The following OR2L13 variants were observed in gnomAD, a reference collection of about 807,000 sequenced individuals.
The protein encoded by OR2L13 is olfactory receptor family 2 subfamily L member 13, also known as olfactory receptor 2L13.
A neutral mutation model predicts 15.3 loss-of-function variants in OR2L13; 14 were observed. The observed-to-expected ratio is 0.91, with a 90% CI of 0.60 to 1.43. The LOEUF is 1.43. Among genes scored for constraint, OR2L13 ranks in the 40% most tolerant of loss-of-function variants. The pLI is 0.00. For missense variants in OR2L13, 367 were observed against 387.9 expected (o/e 0.95, Z 0.45); for synonymous variants, 152 against 142.9 (o/e 1.06, Z -0.45).
the OR2L13 span, chr1:247,990,370 T>C: frequency 1.3e-6 from 2 of 1,566,232 alleles, no homozygotes; most frequent in Non-Finnish European, 1.8e-6. Context: ...TTCGTTTTCC[T>C]AATGGCTCTA....
chr1:248,038,672 A>G, the OR2L13 span: 52 of 1,614,022 alleles, frequency 3.2e-5, no homozygotes, highest in South Asian at 1.3e-4. Context: ...CCATCCGTAT[A>G]AGCAAAAGAG....
chr1:248,036,304 G>C, the OR2L13 span, among the ~76,000 whole-genome samples: 2 of 151,278 alleles, frequency 1.3e-5, no homozygotes, highest in Non-Finnish European at 2.9e-5. Flanking sequence ...CATTTAATGC[G>C]GTATCAATTA....
chr1:248,004,319 G>T, the OR2L13 span, among the ~76,000 whole-genome samples: 4,268 of 152,218 alleles, frequency 0.028, 164 homozygotes, highest in African/African-American at 0.098. Flanking sequence ...CAATGAGAAT[G>T]TTTGTTTTTA....
At chr1:248,011,388 C>T in the OR2L13 span, among the ~76,000 whole-genome samples, 1 of 152,100 alleles carries the variant, frequency 6.6e-6, no homozygotes, top group African/African-American at 2.4e-5. Context: ...TATCATTTTT[C>T]CTTCAGTTTA....
At chr1:247,940,184 CATTCTTTGTTGGAAGCAT>C in the OR2L13 span, among the ~76,000 whole-genome samples, 13 of 152,220 alleles carry the variant, frequency 8.5e-5, no homozygotes, top group Admixed American at 3.9e-4. Flanking sequence ...TCAAGTTTCT[CATTCTTTGTTGGAAGCAT>C]GAATACAATA....
the OR2L13 span, among the ~76,000 whole-genome samples, chr1:247,944,334 A>AT: frequency 6.6e-6 from 1 of 151,846 alleles, no homozygotes; most frequent in African/African-American, 2.4e-5. Flanking sequence ...CAGGGTACAT[A>AT]TGCAGGATGT....
At chr1:248,010,354 TC>T in the OR2L13 span, among the ~76,000 whole-genome samples, 1 of 152,098 alleles carries the variant, frequency 6.6e-6, no homozygotes, top group African/African-American at 2.4e-5. Context: ...TTATGTTGGG[TC>T]AGTTTAAGAA....
At chr1:248,028,788 T>G in the OR2L13 span, among the ~76,000 whole-genome samples, 1 of 152,220 alleles carries the variant, frequency 6.6e-6, no homozygotes, top group Non-Finnish European at 1.5e-5. Context: ...AGTTTTGAGG[T>G]AAACCTAAAA....
chr1:247,999,117 T>C, the OR2L13 span, among the ~76,000 whole-genome samples: 1 of 152,140 alleles, frequency 6.6e-6, no homozygotes, highest in Admixed American at 6.5e-5. Context: ...TGGTAACCCA[T>C]GGATTCTTCC....
upstream of OR2L13, among the ~76,000 whole-genome samples, chr1:248,090,409 G>GTACC (rs1558219389): frequency 6.6e-6 from 1 of 152,118 alleles, no homozygotes; most frequent in Non-Finnish European, 1.5e-5. Flanking sequence ...AATAAGCATA[G>GTACC]TACCCAGTAG....
chr1:248,025,911 G>C, the OR2L13 span, among the ~76,000 whole-genome samples: 1 of 148,264 alleles, frequency 6.7e-6, no homozygotes, highest in African/African-American at 2.6e-5. Context: ...AGAACACATG[G>C]ACATAGGAAG....
chr1:247,965,501 A>G, the OR2L13 span: 2 of 1,613,706 alleles, frequency 1.2e-6, no homozygotes, highest in Non-Finnish European at 1.7e-6. Context: ...CTGACAGGAA[A>G]TATCATGCTG....
chr1:247,965,282 C>T, the OR2L13 span: 2 of 1,383,806 alleles, frequency 1.4e-6, no homozygotes, highest in Non-Finnish European at 1.9e-6. Flanking sequence ...ATATTTATTT[C>T]TGAATGCCAT....
At chr1:248,075,737 T>G in the OR2L13 span, among the ~76,000 whole-genome samples, 3 of 152,250 alleles carry the variant, frequency 2.0e-5, no homozygotes, top group African/African-American at 7.2e-5. Context: ...GAGTTCTTTG[T>G]ATATTCTGGA....
At chr1:247,948,352 C>T in the OR2L13 span, among the ~76,000 whole-genome samples, 1 of 152,116 alleles carries the variant, frequency 6.6e-6, no homozygotes, top group African/African-American at 2.4e-5. Flanking sequence ...TAATATTTGA[C>T]TTTGAATGTA....
chr1:247,995,716 CATTTATTTTTTGTTT>C, the OR2L13 span, among the ~76,000 whole-genome samples: 2 of 152,212 alleles, frequency 1.3e-5, no homozygotes, highest in Admixed American at 1.3e-4. Context: ...ATTCCTCTAG[CATTTATTTTTTGTTT>C]ATTTATTTTT....
the OR2L13 span, chr1:247,966,073 G>C: frequency 6.2e-7 from 1 of 1,614,188 alleles, no homozygotes; most frequent in Non-Finnish European, 8.5e-7. Flanking sequence ...CTCAGGAAAA[G>C]GACAGGCAAA....
chr1:248,000,901 C>G, the OR2L13 span, among the ~76,000 whole-genome samples: 1 of 151,970 alleles, frequency 6.6e-6, no homozygotes, highest in African/African-American at 2.4e-5. Flanking sequence ...TTATTTACCA[C>G]TTATATGGAG....
the OR2L13 span, among the ~76,000 whole-genome samples, chr1:248,080,204 A>G: frequency 6.6e-6 from 1 of 152,210 alleles, no homozygotes; most frequent in Non-Finnish European, 1.5e-5. Context: ...TATTAAATAA[A>G]TCTGTATTAA....
Sources: allele counts gnomAD v4.1 joint callset (sites outside exome capture counted in the v4.1 genomes callset), GRCh38; gene constraint gnomAD v4.1.1; transcripts MANE v1.5; gene names NCBI Gene and HGNC (gene_info 2026-07-23, HGNC 2026-07-21).